The following SGCD variants were observed in gnomAD, a reference collection of about 807,000 sequenced individuals.
SGCD encodes delta-sarcoglycan.
Under a neutral mutation model 36.6 loss-of-function variants are expected in SGCD, and 18 were observed. That is an observed-to-expected ratio of 0.49 (90% CI 0.34 to 0.73). The LOEUF is 0.73. SGCD is among the 30% of genes least tolerant of loss of function. The probability of loss-of-function intolerance (pLI) is 0.01; values close to 1 mark genes in which losing one functional copy is unlikely to be tolerated. For synonymous variants in SGCD, 133 were observed against 130.6 expected (o/e 1.02, Z -0.12); for missense variants, 387 against 346.7 (o/e 1.12, Z -0.92).
intron 1 of SGCD, among the ~76,000 whole-genome samples, chr5:156,076,576 T>C (rs1760790376): frequency 6.6e-6 from 1 of 152,212 alleles, no homozygotes; most frequent in African/African-American, 2.4e-5. Context: ...CTTGAAATTG[T>C]TAGCTAGCTA....
At chr5:156,674,751 C>T (rs1753442131) in intron 7 of SGCD, among the ~76,000 whole-genome samples, 1 of 152,142 alleles carries the variant, frequency 6.6e-6, no homozygotes, top group African/African-American at 2.4e-5. Flanking sequence ...AACACTATTC[C>T]TTGAGTAGTT....
the SGCD span, among the ~76,000 whole-genome samples, chr5:155,837,177 A>G: frequency 6.6e-6 from 1 of 151,912 alleles, no homozygotes; most frequent in African/African-American, 2.4e-5. Context: ...TTTATTTTTG[A>G]GACAGAGACT....
intron 3 of SGCD, among the ~76,000 whole-genome samples, chr5:156,180,237 C>G (rs1014280191): frequency 2.0e-5 from 3 of 152,086 alleles, no homozygotes; most frequent in Admixed American, 1.3e-4. Context: ...ACAAAAATTG[C>G]TAAGAAATTA....
intron 2 of SGCD, among the ~76,000 whole-genome samples, chr5:156,336,514 C>T (rs1184018605): frequency 6.6e-6 from 1 of 152,110 alleles, no homozygotes; most frequent in Non-Finnish European, 1.5e-5. Flanking sequence ...AGATCCATAC[C>T]ATTTAAAACA....
intron 4 of SGCD, among the ~76,000 whole-genome samples, chr5:156,521,360 T>C (rs554380220): frequency 6.6e-6 from 1 of 152,140 alleles, no homozygotes; most frequent in African/African-American, 2.4e-5. Flanking sequence ...CAATGGGACC[T>C]AATTAAACTA....
intron 3 of SGCD, among the ~76,000 whole-genome samples, chr5:156,264,057 A>G (rs1041252310): frequency 6.6e-6 from 1 of 152,134 alleles, no homozygotes; most frequent in African/African-American, 2.4e-5. Flanking sequence ...ATTGTAAAAA[A>G]AAAGAAAAGA....
At chr5:155,750,791 CTGTG>C in the SGCD span, among the ~76,000 whole-genome samples, 1 of 151,842 alleles carries the variant, frequency 6.6e-6, no homozygotes, top group African/African-American at 2.4e-5. Context: ...GTCCTCAAGT[CTGTG>C]TGTGTGTGTA....
chr5:156,030,452 G>C (rs1391610808), intron 1 of SGCD, among the ~76,000 whole-genome samples: 1 of 152,178 alleles, frequency 6.6e-6, no homozygotes, highest in Non-Finnish European at 1.5e-5. Flanking sequence ...GGAACAGCAA[G>C]GATTGCTGGC....
intron 3 of SGCD, among the ~76,000 whole-genome samples, chr5:156,135,544 A>G (rs1419299115): frequency 6.6e-6 from 1 of 152,202 alleles, no homozygotes; most frequent in Non-Finnish European, 1.5e-5. Context: ...CCTATCTGCT[A>G]TTTCTGGATT....
At chr5:155,914,893 A>C (rs1756705507) in intron 1 of SGCD, among the ~76,000 whole-genome samples, 1 of 152,202 alleles carries the variant, frequency 6.6e-6, no homozygotes, top group Admixed American at 6.6e-5. Context: ...TTTTAGTTTG[A>C]AGGAATTTGC....
chr5:156,001,778 T>C (rs892269069), intron 1 of SGCD, among the ~76,000 whole-genome samples: 4 of 152,146 alleles, frequency 2.6e-5, no homozygotes, highest in Non-Finnish European at 4.4e-5. Context: ...TGAGTTAAAA[T>C]AGGAAATAAA....
the SGCD span, among the ~76,000 whole-genome samples, chr5:155,818,769 C>G: frequency 6.6e-6 from 1 of 152,158 alleles, no homozygotes; most frequent in Non-Finnish European, 1.5e-5. Flanking sequence ...GATCCTCCCA[C>G]CCTGGCCTCC....
At chr5:156,078,735 G>A (rs1378721068) in intron 1 of SGCD, among the ~76,000 whole-genome samples, 4 of 150,042 alleles carry the variant, frequency 2.7e-5, no homozygotes, top group Non-Finnish European at 5.9e-5. Context: ...ACTTTGCTCA[G>A]TTTTCCTTAA....
intron 3 of SGCD, among the ~76,000 whole-genome samples, chr5:156,471,964 T>G (rs1306902137): frequency 6.6e-6 from 1 of 152,094 alleles, no homozygotes; most frequent in Non-Finnish European, 1.5e-5. Flanking sequence ...ACTTAAACAC[T>G]GCACAAAAGA....
In SGCD at chr5:156,695,138, TTGTGTG is replaced by T. The variant is rs35024208; in HGVS notation, c.575+47618_575+47623del. Among the ~76,000 whole-genome samples the T allele has an allele frequency of 2.3e-4, 33 of 145,898 alleles. No individual in the cohort carries two copies. The East Asian group carries it at 5.2e-3, about 23-fold the overall frequency. ...TGTGTGTGTGTGTGTGTGTGTGTGT[TTGTGTG>T]TGTGTGTGTGTGTGTTGGTTAATTT... On this transcript the variant is annotated intron_variant, in intron 7 of 8. Coordinates refer to ENST00000337851, the MANE Select transcript of SGCD (RefSeq NM_000337.6).
At chr5:156,741,399 A>T (rs567099449) in intron 7 of SGCD, among the ~76,000 whole-genome samples, 4 of 152,258 alleles carry the variant, frequency 2.6e-5, no homozygotes, top group African/African-American at 7.2e-5. Context: ...GGGTTTTTTG[A>T]TTCATGAGAC....
chr5:156,531,937 C>T (rs916376376), intron 4 of SGCD, among the ~76,000 whole-genome samples: 2 of 151,860 alleles, frequency 1.3e-5, no homozygotes, highest in Non-Finnish European at 2.9e-5. Context: ...GGTGAAACCC[C>T]ATCTCTACTA....
At chr5:156,508,578 G>A (rs575716495) in intron 3 of SGCD, 23 bp from the exon 4 acceptor site, 1 of 1,478,898 alleles carries the variant, frequency 6.8e-7, no homozygotes, top group Non-Finnish European at 9.4e-7. Flanking sequence ...TATCTTCCTT[G>A]TTATCTCTGT....
chr5:156,613,308 C>T (rs1761898760), intron 6 of SGCD, among the ~76,000 whole-genome samples: 1 of 152,074 alleles, frequency 6.6e-6, no homozygotes, highest in Non-Finnish European at 1.5e-5. Context: ...TGTACACAGC[C>T]CTTGTGTGTT....
Sources: gnomAD v4.1 joint callset for allele counts (sites outside exome capture counted in the v4.1 genomes callset) on GRCh38, gnomAD v4.1.1 for gene constraint, MANE v1.5 for transcripts, NCBI Gene and HGNC (gene_info 2026-07-23, HGNC 2026-07-21) for gene names.